DLG1: variants seen among roughly 807,000 people sequenced by gnomAD.
DLG1 encodes discs large MAGUK scaffold protein 1, also known as disks large homolog 1.
DLG1 carries 42 observed loss-of-function variants against 123.4 expected under a neutral mutation model. The ratio of observed to expected loss-of-function variants is 0.34; its 90% CI spans 0.27 to 0.44. The LOEUF is 0.44. Among genes scored for constraint, DLG1 ranks in the 20% least tolerant of loss-of-function variants. The pLI, the probability that DLG1 is intolerant of heterozygous loss-of-function variation, is 1.00. For missense variants in DLG1, 942 were observed against 1,082.6 expected (o/e 0.87, Z 1.82); for synonymous variants, 317 against 356.2 (o/e 0.89, Z 1.24).
intron 18 of DLG1, among the ~76,000 whole-genome samples, chr3:197,072,427 G>GC (rs1553888132): frequency 6.6e-6 from 1 of 151,996 alleles, no homozygotes; most frequent in Non-Finnish European, 1.5e-5. Flanking sequence ...CACTCTCTCC[G>GC]TCATGGGTTT....
chr3:197,297,281 A>G (rs1248182349), intron 1 of DLG1, 46 bp from the exon 2 acceptor site: 2 of 1,606,434 alleles, frequency 1.2e-6, no homozygotes, highest in Non-Finnish European at 8.5e-7. Context: ...ATCATGTTAA[A>G]CTAGCATTTT....
intron 23 of DLG1, among the ~76,000 whole-genome samples, chr3:197,057,002 T>C (rs2148787661): frequency 6.6e-6 from 1 of 152,368 alleles, no homozygotes; most frequent in African/African-American, 2.4e-5. Context: ...AATGTTTCAT[T>C]GTGAACATGT....
chr3:197,173,606 C>T (rs1211355438), intron 5 of DLG1, among the ~76,000 whole-genome samples: 1 of 152,060 alleles, frequency 6.6e-6, no homozygotes, highest in African/African-American at 2.4e-5. Context: ...CATTTTACTG[C>T]AAAGACAATA....
intron 5 of DLG1, among the ~76,000 whole-genome samples, chr3:197,159,968 C>T (rs572610658): frequency 1.2e-3 from 186 of 152,224 alleles, no homozygotes; most frequent in African/African-American, 4.2e-3. Context: ...CAGTACCTGA[C>T]GTGCATTAAG....
chr3:197,106,382 G>A (rs1023445390), intron 13 of DLG1, among the ~76,000 whole-genome samples: 1 of 152,082 alleles, frequency 6.6e-6, no homozygotes, highest in Non-Finnish European at 1.5e-5. Flanking sequence ...CTCCAGCCTG[G>A]GTGACAGAGA....
chr3:197,083,957 A>G (rs1394719820), intron 16 of DLG1, among the ~76,000 whole-genome samples: 1 of 152,180 alleles, frequency 6.6e-6, no homozygotes, highest in Non-Finnish European at 1.5e-5. Flanking sequence ...TGGGCGACAG[A>G]GCAAGACCTT....
At chr3:197,297,337 C>CG (rs1777928722) in intron 1 of DLG1, 102 bp from the exon 2 acceptor site, 2 of 1,512,216 alleles carry the variant, frequency 1.3e-6, no homozygotes, top group Admixed American at 4.5e-5. Flanking sequence ...GAAAACCCCA[C>CG]GTTCCAAAGT....
chr3:197,177,480 A>G (rs932900335), intron 5 of DLG1, among the ~76,000 whole-genome samples: 13 of 152,196 alleles, frequency 8.5e-5, no homozygotes, highest in Non-Finnish European at 7.4e-5. Context: ...ATATTTTATC[A>G]AAACACAATT....
chr3:197,256,872 T>C (rs1033718892), intron 4 of DLG1, among the ~76,000 whole-genome samples: 3 of 152,162 alleles, frequency 2.0e-5, no homozygotes, highest in African/African-American at 4.8e-5. Flanking sequence ...TATTTAATAG[T>C]AGTTAGCATT....
chr3:197,177,389 C>A (rs1158170740), intron 5 of DLG1, among the ~76,000 whole-genome samples: 1 of 152,124 alleles, frequency 6.6e-6, no homozygotes, highest in Non-Finnish European at 1.5e-5. Flanking sequence ...GTCTACCTAC[C>A]CTATACGTAG....
intron 5 of DLG1, among the ~76,000 whole-genome samples, chr3:197,190,686 T>G (rs12638884): frequency 6.6e-6 from 1 of 152,124 alleles, no homozygotes; most frequent in Non-Finnish European, 1.5e-5. Context: ...TGCATTTAAT[T>G]ACAAGAATCA....
chr3:197,257,900 T>A (rs1268794076), intron 4 of DLG1, among the ~76,000 whole-genome samples: 1 of 152,230 alleles, frequency 6.6e-6, no homozygotes, highest in African/African-American at 2.4e-5. Flanking sequence ...CTTCACTGCC[T>A]GGCCTCTAAC....
chr3:197,276,211 A>C (rs192228550), intron 4 of DLG1, among the ~76,000 whole-genome samples: 4 of 152,320 alleles, frequency 2.6e-5, no homozygotes, highest in Admixed American at 1.3e-4. Context: ...GCTCTACCAT[A>C]ATGTGTTTAT....
chr3:197,083,749 A>G (rs923492803), intron 16 of DLG1, among the ~76,000 whole-genome samples: 1 of 152,178 alleles, frequency 6.6e-6, no homozygotes, highest in African/African-American at 2.4e-5. Context: ...CTTGAAGCCA[A>G]GAGTTTAAGA....
intron 5 of DLG1, among the ~76,000 whole-genome samples, chr3:197,191,662 C>T (rs1353408564): frequency 6.6e-6 from 1 of 152,122 alleles, no homozygotes; most frequent in African/African-American, 2.4e-5. Context: ...AAGATAAAAG[C>T]AGGCTGACAA....
At chr3:197,280,337 TTGTGTG>T (rs10575004) in intron 4 of DLG1, among the ~76,000 whole-genome samples, 42,959 of 149,912 alleles carry the variant, frequency 0.29, 7,335 homozygotes, top group East Asian at 0.7. Flanking sequence ...GTAGTCCATT[TTGTGTG>T]TGTGTGTGTG....
chr3:197,072,428 T>A (rs1239369018), intron 18 of DLG1, among the ~76,000 whole-genome samples: 1 of 152,088 alleles, frequency 6.6e-6, no homozygotes, highest in Non-Finnish European at 1.5e-5. Context: ...ACTCTCTCCG[T>A]CATGGGTTTT....
At chr3:197,164,397 C>T (rs528622761) in intron 5 of DLG1, among the ~76,000 whole-genome samples, 2 of 151,014 alleles carry the variant, frequency 1.3e-5, no homozygotes, top group Admixed American at 1.3e-4. Context: ...ACTCTGTCTC[C>T]CCCTCCTCAA....
At chr3:197,128,561 A>G (rs992563927) in intron 11 of DLG1, among the ~76,000 whole-genome samples, 16 of 152,232 alleles carry the variant, frequency 1.1e-4, no homozygotes, top group African/African-American at 3.6e-4. Context: ...GAATGTCCTT[A>G]AAGGCATCTA....
Sources: gnomAD v4.1 joint callset for allele counts (sites outside exome capture counted in the v4.1 genomes callset) on GRCh38, gnomAD v4.1.1 for gene constraint, MANE v1.5 for transcripts, NCBI Gene and HGNC (gene_info 2026-07-23, HGNC 2026-07-21) for gene names.